The following C1orf94 variants were observed in gnomAD, a reference collection of about 807,000 sequenced individuals.
C1orf94 encodes the protein chromosome 1 open reading frame 94, also known as uncharacterized protein C1orf94.
In C1orf94, 45 loss-of-function variants were observed where a neutral mutation model predicts 53.6. The ratio of observed to expected loss-of-function variants is 0.84; its 90% CI spans 0.66 to 1.08. C1orf94 has a LOEUF of 1.08. C1orf94 is among the 50% of genes least tolerant of loss of function. The probability of loss-of-function intolerance (pLI) is 0.00; values close to 1 mark genes in which losing one functional copy is unlikely to be tolerated. For synonymous variants in C1orf94, 304 were observed against 296.1 expected, an observed-to-expected ratio of 1.03 and a Z score of -0.27; for missense variants, 762 against 738.9, an observed-to-expected ratio of 1.03 and a Z score of -0.36.
intron 1 of C1orf94, among the ~76,000 whole-genome samples, chr1:34,191,235 T>A (rs1393703595): frequency 6.6e-6 from 1 of 152,314 alleles, no homozygotes; most frequent in Admixed American, 6.5e-5. Context: ...TCTAACACAC[T>A]ACCCCACTGG....
intron 1 of C1orf94, among the ~76,000 whole-genome samples, chr1:34,194,046 T>C (rs976808332): frequency 1.3e-5 from 2 of 152,062 alleles, no homozygotes; most frequent in Non-Finnish European, 2.9e-5. Flanking sequence ...GGGGGGGACA[T>C]GAGTGTTTCC....
chr1:34,205,584 C>T (rs887928457), intron 4 of C1orf94, among the ~76,000 whole-genome samples: 22 of 152,236 alleles, frequency 1.4e-4, no homozygotes, highest in African/African-American at 5.3e-4. Context: ...TAATTGAGTC[C>T]ATGGAAGGGT....
chr1:34,192,155 T>A (rs373639416), intron 1 of C1orf94, among the ~76,000 whole-genome samples: 39 of 152,300 alleles, frequency 2.6e-4, no homozygotes, highest in African/African-American at 7.7e-4. Flanking sequence ...ATGCCAGGAC[T>A]GGCAAAACTT....
intron 1 of C1orf94, among the ~76,000 whole-genome samples, chr1:34,170,196 A>C (rs935025008): frequency 6.6e-6 from 1 of 152,302 alleles, no homozygotes; most frequent in East Asian, 1.9e-4. Flanking sequence ...TCTTTCATTC[A>C]TTTGTTCATG....
chr1:34,172,588 C>T (rs779556144), upstream of C1orf94, among the ~76,000 whole-genome samples: 8 of 152,160 alleles, frequency 5.3e-5, no homozygotes, highest in Non-Finnish European at 1.0e-4. Context: ...TGCCACCACC[C>T]GAGCTCTTAA....
Position 34,194,232 on chromosome 1 carries a change from C to T in C1orf94, c.321-2993C>T, listed in dbSNP as rs147872029. Among the ~76,000 whole-genome samples the T allele has an allele frequency of 1.1e-3, 172 of 152,320 alleles. 1 individual carries two copies. The highest frequency in any genetic ancestry group is 2.7e-3 in the Admixed American group (42 of 15,306). On this transcript the variant is annotated intron_variant, in intron 1 of 6. Coordinates refer to ENST00000488417, the MANE Select transcript of C1orf94 (RefSeq NM_001134734.2). ...GCTGTGAGCATTTCTCGAGGGCCCA[C>T]TATGCACCCAGCTTGTGCTAAGTGT... is the stretch of plus-strand genomic sequence containing the variant.
At chr1:34,182,867 A>C (rs991967680) in intron 1 of C1orf94, among the ~76,000 whole-genome samples, 1 of 152,084 alleles carries the variant, frequency 6.6e-6, no homozygotes, top group African/African-American at 2.4e-5. Context: ...AGCTGGGAGG[A>C]TGTCTTTCCG....
At chr1:34,179,261 C>T (rs1292669964) in intron 1 of C1orf94, among the ~76,000 whole-genome samples, 11 of 152,280 alleles carry the variant, frequency 7.2e-5, no homozygotes, top group Non-Finnish European at 1.2e-4. Context: ...CATGACAAGG[C>T]TCAGACAGGA....
intron 2 of C1orf94, among the ~76,000 whole-genome samples, chr1:34,200,066 AG>A (rs1320178971): frequency 2.6e-5 from 4 of 152,186 alleles, no homozygotes; most frequent in Non-Finnish European, 5.9e-5. Context: ...GAGCTCCTGC[AG>A]GGCACAGTCT....
At chr1:34,190,476 T>C (rs1406556084) in intron 1 of C1orf94, among the ~76,000 whole-genome samples, 1 of 152,200 alleles carries the variant, frequency 6.6e-6, no homozygotes, top group East Asian at 1.9e-4. Context: ...TCCCTCCTCA[T>C]GGTCTTTGCA....
At position 34,202,107 on chromosome 1, in the gene C1orf94, G is replaced by T. The variant is rs1352230632; in HGVS notation, c.1294G>T (p.Asp432Tyr). ...AGTTAACGCACCTGTGACGGTTGCT[G>T]ACAAGAACAACCCGAAGTACACAGG... is the stretch of plus-strand genomic sequence containing the variant. The part of the protein sequence containing the change: ...LKFNAPVTVA[D>Y]KNNPKYTGNV... The change falls in exon 4 of 7, where the codon GAC (aspartate) becomes TAC (tyrosine). Residue 432 changes from aspartate (D) to tyrosine (Y), a missense_variant. Asp to Tyr is a radical substitution (Grantham distance 160). Coordinates refer to ENST00000488417, the MANE Select transcript of C1orf94 (RefSeq NM_001134734.2). The T allele has an allele frequency of 6.2e-7, 1 of 1,613,944 alleles. No individual in the cohort carries two copies. Among genetic ancestry groups the T allele is most frequent in the African/African-American group, 1.3e-5 (1 of 74,912 alleles).
chr1:34,187,695 A>G (rs1169585648), intron 1 of C1orf94, among the ~76,000 whole-genome samples: 1 of 150,924 alleles, frequency 6.6e-6, no homozygotes, highest in Non-Finnish European at 1.5e-5. Context: ...TGTAGCTCCC[A>G]GCTGAAGACT....
In C1orf94 at chr1:34,197,973, G is replaced by A; in HGVS notation, c.1009+60G>A. The stretch of plus-strand genomic sequence containing the variant: ...GCAAGGAGGAGGTCCTTCCCAGGAA[G>A]CCAATCAGGGCTGCAGCATGTACAT... On this transcript the variant is annotated intron_variant, in intron 2 of 6. Transcript: ENST00000488417. This position sits in a 1 kb window ranked among gnomAD's most constrained non-coding sequence, Gnocchi z 4.1. 1 of 1,477,428 alleles carries A rather than the reference G, an allele frequency of 6.8e-7. No homozygotes were observed. Among genetic ancestry groups the A allele is most frequent in the Non-Finnish European group, 9.2e-7 (1 of 1,091,466 alleles). The allele number at this position is 1,477,428 out of a possible 1,614,324, so 91.5% of individuals were successfully genotyped here.
chr1:34,205,332 A>G (rs979930717), intron 4 of C1orf94, among the ~76,000 whole-genome samples: 1 of 152,190 alleles, frequency 6.6e-6, no homozygotes, highest in South Asian at 2.1e-4. Flanking sequence ...GGACAGCATA[A>G]TTTACCTTCT....
In C1orf94 at chr1:34,197,751, C is replaced by G. The variant is rs555746997; in HGVS notation, c.847C>G (p.Pro283Ala). 1.2e-6 allele frequency: 2 copies of G among 1,614,218 alleles called. No homozygotes were observed. The highest frequency in any genetic ancestry group is 2.2e-5 in the East Asian group (1 of 44,872). The change falls in exon 2 of 7, where the codon CCC (proline) becomes GCC (alanine). Residue 283 changes from proline to alanine, a missense_variant. By Grantham distance (27) the Pro-to-Ala change is conservative. Transcript: ENST00000488417. This position sits in a 1 kb window ranked among gnomAD's most constrained non-coding sequence, Gnocchi z 4.1. ...NLFSGPGPKE[P>A]TGLSPFLLLP... is the part of the protein sequence containing the mutation. ...GTTCAGTGGCCCTGGACCCAAGGAG[C>G]CCACAGGGCTGAGCCCATTTCTGCT...
intron 4 of C1orf94, among the ~76,000 whole-genome samples, chr1:34,204,656 A>G (rs1222013762): frequency 6.6e-6 from 1 of 152,094 alleles, no homozygotes; most frequent in African/African-American, 2.4e-5. Context: ...TTATTTACTC[A>G]TTAATTTAAG....
At chr1:34,207,591 T>C (rs1304832810) in intron 4 of C1orf94, among the ~76,000 whole-genome samples, 1 of 152,192 alleles carries the variant, frequency 6.6e-6, no homozygotes, top group East Asian at 1.9e-4. Flanking sequence ...TTCACAGTTG[T>C]ATATTTGTAC....
chr1:34,210,730 C>G (rs1267893286), intron 5 of C1orf94, among the ~76,000 whole-genome samples: 1 of 152,016 alleles, frequency 6.6e-6, no homozygotes, highest in Non-Finnish European at 1.5e-5. Context: ...TCTTGGCTCA[C>G]TGCAACCTCC....
At chr1:34,172,562 A>G (rs534269648), upstream of C1orf94, among the ~76,000 whole-genome samples, 11 of 152,276 alleles carry the variant, frequency 7.2e-5, no homozygotes, top group African/African-American at 2.6e-4. Context: ...AGGAATTCCA[A>G]TTCAAGTGTG....
Sources: allele counts gnomAD v4.1 joint callset (sites outside exome capture counted in the v4.1 genomes callset), GRCh38; gene constraint gnomAD v4.1.1; non-coding constraint Gnocchi (gnomAD v3.1); transcripts MANE v1.5; gene names NCBI Gene and HGNC (gene_info 2026-07-23, HGNC 2026-07-21).